MINK1: variants seen among roughly 807,000 people sequenced by gnomAD.
MINK1 encodes the protein misshapen like kinase 1.
In MINK1, 46 loss-of-function variants were observed where a neutral mutation model predicts 178.4. That is an observed-to-expected ratio of 0.26 (90% confidence interval 0.20 to 0.33). The LOEUF (loss-of-function observed/expected upper bound fraction) is 0.33. MINK1 is among the 10% of genes least tolerant of loss of function. MINK1 has a pLI of 1.00. For synonymous variants in MINK1, 797 were observed against 709.7 expected (o/e 1.12, Z -1.96); for missense variants, 1,366 against 1,814.9 (o/e 0.75, Z 4.49).
chr17:4,882,202 C>T (rs952583309), intron 4 of MINK1, among the ~76,000 whole-genome samples: 2 of 152,252 alleles, frequency 1.3e-5, no homozygotes, highest in Non-Finnish European at 2.9e-5. Flanking sequence ...AGGTCCTCCC[C>T]TCCTCTCACT....
At chr17:4,867,137 T>C (rs1484888605) in intron 1 of MINK1, among the ~76,000 whole-genome samples, 1 of 67,160 alleles carries the variant, frequency 1.5e-5, no homozygotes, top group Non-Finnish European at 2.8e-5. Flanking sequence ...CTCTTAGGAC[T>C]GTTTTTTTTT....
In MINK1 at chr17:4,885,106, C is replaced by A; in HGVS notation, c.508+104C>A. 2 of 1,039,516 alleles carry A rather than the reference C, an allele frequency of 1.9e-6. No individual in the cohort carries two copies. Among genetic ancestry groups the A allele is most frequent in the Non-Finnish European group, 1.4e-6 (1 of 693,706 alleles). The allele number at this position is 1,039,516 out of a possible 1,614,324, so 64.4% of individuals were successfully genotyped here. A position where few individuals can be genotyped will look rare whatever the true frequency, so the allele number is the denominator to read the frequency against. On this transcript the variant is annotated intron_variant, in intron 6 of 31. Transcript: ENST00000355280. This position sits in a 1 kb window ranked among gnomAD's most constrained non-coding sequence, Gnocchi z 5.0. ...TGGCTCAGGCCCAACTCCCTTCCTA[C>A]TGGGGAGGCTCACTCCCTCCCCTTT...
Position 4,875,923 on chromosome 17 carries a change from G to A in MINK1, c.58-2394G>A, listed in dbSNP as rs572705658. On this transcript the variant is annotated intron_variant, in intron 1 of 31. Transcript: ENST00000355280. ...TAATTCTCCTGCCTCAGCCTCCCGA[G>A]TAGCTGTGAATATAGGTGCCCGCCA... 5.1e-4 allele frequency among the ~76,000 whole-genome samples: 77 copies of A among 151,338 alleles called. 2 individuals carry two copies. In the South Asian group the frequency reaches 0.016, roughly 31 times the overall value.
In MINK1 at chr17:4,878,978, G is replaced by A. The variant is rs561673952; in HGVS notation, c.123+596G>A. Among the ~76,000 whole-genome samples, 6 of 152,352 alleles carry A rather than the reference G, an allele frequency of 3.9e-5. No individual in the cohort carries two copies. In the East Asian group the frequency reaches 9.6e-4, roughly 24 times the overall value. On this transcript the variant is annotated intron_variant, in intron 2 of 31. Coordinates refer to ENST00000355280, the MANE Select transcript of MINK1 (RefSeq NM_153827.5). ...CACACTGCTCACACTTGGATGGGGG[G>A]AGCCACTCCAGCGGGGAGTAAGGTG...
intron 1 of MINK1, among the ~76,000 whole-genome samples, chr17:4,868,375 AC>A: frequency 6.6e-6 from 1 of 152,036 alleles, no homozygotes. Flanking sequence ...TCTTCTATCC[AC>A]CTGTATTTCT....
chr17:4,847,913 G>A (rs998106865), intron 1 of MINK1, among the ~76,000 whole-genome samples: 3 of 152,118 alleles, frequency 2.0e-5, no homozygotes, highest in African/African-American at 7.2e-5. Flanking sequence ...CCAGTACAGT[G>A]GCTCATGCTT....
Position 4,885,624 on chromosome 17 carries a change from G to A in MINK1, c.639+11G>A. Reference sequence around the variant, plus strand: ...ACCTATGATTACAGGGTATGGAGTGGAAAGTTGGGAGCATGGGGGCTGCCA... The same window carrying A: ...ACCTATGATTACAGGGTATGGAGTGAAAAGTTGGGAGCATGGGGGCTGCCA... On this transcript the variant is annotated intron_variant, in intron 7 of 31. Coordinates refer to ENST00000355280, the MANE Select transcript of MINK1 (RefSeq NM_153827.5). The surrounding 1 kb of genome is among the most constrained non-coding windows in gnomAD (Gnocchi z 5.0). The A allele has an allele frequency of 1.2e-6, 2 of 1,613,820 alleles. No individual in the cohort carries two copies. The highest frequency in any genetic ancestry group is 1.7e-6 in the Non-Finnish European group (2 of 1,179,792).
intron 14 of MINK1, 70 bp downstream of exon 14, chr17:4,890,805 T>G (rs1968712034): frequency 6.6e-7 from 1 of 1,522,220 alleles, no homozygotes; most frequent in Non-Finnish European, 8.9e-7. Context: ...CCACAAGAAG[T>G]AGTAGTTCAC....
At chr17:4,880,018 G>A (rs527882024) in intron 2 of MINK1, among the ~76,000 whole-genome samples, 9 of 152,260 alleles carry the variant, frequency 5.9e-5, no homozygotes, top group African/African-American at 1.4e-4. Flanking sequence ...TCCATCCTCC[G>A]TTAGGGTGGA....
intron 1 of MINK1, among the ~76,000 whole-genome samples, chr17:4,858,558 C>T (rs556389586): frequency 4.6e-5 from 7 of 151,078 alleles, no homozygotes; most frequent in African/African-American, 7.3e-5. Context: ...CTCACTGCAA[C>T]CTCCGCCTCC....
At chr17:4,893,189 A>G in intron 20 of MINK1, 122 bp downstream of exon 20, 1 of 1,537,544 alleles carries the variant, frequency 6.5e-7, no homozygotes, top group Non-Finnish European at 8.9e-7. Flanking sequence ...GGATGGAGGG[A>G]CTGGTGCTTC....
In MINK1 at chr17:4,885,142, C is replaced by G; in HGVS notation, c.508+140C>G. The G allele has an allele frequency of 1.3e-6, 1 of 766,920 alleles. No individual in the cohort carries two copies. Among genetic ancestry groups the G allele is most frequent in the African/African-American group, 1.7e-5 (1 of 57,174 alleles). The allele number at this position is 766,920 out of a possible 1,614,324, so 47.5% of individuals were successfully genotyped here. A position where few individuals can be genotyped will look rare whatever the true frequency, so the allele number is the denominator to read the frequency against. On this transcript the variant is annotated intron_variant, in intron 6 of 31. Transcript: ENST00000355280. The surrounding 1 kb of genome is among the most constrained non-coding windows in gnomAD (Gnocchi z 5.0). ...CACTCCCTCCCCTTTCCCCTCTCCC[C>G]CTGGAATGCCCTGCCTCCTGCTGAA...
intron 1 of MINK1, among the ~76,000 whole-genome samples, chr17:4,839,357 GGC>G (rs1909835808): frequency 6.6e-6 from 1 of 152,106 alleles, no homozygotes; most frequent in Non-Finnish European, 1.5e-5. Flanking sequence ...GTGGTCAGTG[GGC>G]AGTCATCTTG....
chr17:4,845,602 T>C (rs979206439), intron 1 of MINK1, among the ~76,000 whole-genome samples: 3 of 151,942 alleles, frequency 2.0e-5, no homozygotes, highest in African/African-American at 7.3e-5. Flanking sequence ...TTCATACTCC[T>C]GGACAGACCC....
Position 4,856,115 on chromosome 17 carries a change from G to T in MINK1, c.58-22202G>T, listed in dbSNP as rs554788614. ...ACCCCTTCTCCTTCTCTCGCCATAG[G>T]AACATTTAATCTGTCTCATGCTTTG... On this transcript the variant is annotated intron_variant, in intron 1 of 31. Transcript: ENST00000355280. 5.9e-5 allele frequency among the ~76,000 whole-genome samples: 9 copies of T among 152,210 alleles called. No homozygotes were observed. The South Asian group carries it at 1.9e-3, about 32-fold the overall frequency.
In MINK1 at chr17:4,894,004, G is replaced by A. The variant is rs1439625343; in HGVS notation, c.2581G>A (p.Asp861Asn). ...TPGGRSDGDTDSVSTMVVHDV... is the reference protein window; with the variant it reads ...TPGGRSDGDTNSVSTMVVHDV... Reference sequence around the variant, plus strand: ...CTCTCACAGCAGCGATGGGGATACAGACAGCGTCAGCACCATGGTGGTCCA... The same window carrying A: ...CTCTCACAGCAGCGATGGGGATACAAACAGCGTCAGCACCATGGTGGTCCA... The change falls in exon 22 of 32, where the codon GAC (aspartate) becomes AAC (asparagine). Residue 861 changes from aspartate to asparagine, a missense_variant. This residue lies in a region of MINK1 where 709 missense variants were observed against 692.3 expected (regional missense o/e 1.02). Transcript: ENST00000355280. The surrounding 1 kb of genome is among the most constrained non-coding windows in gnomAD (Gnocchi z 4.1). The A allele has an allele frequency of 3.8e-6, 6 of 1,587,212 alleles. No homozygotes were observed. Among genetic ancestry groups the A allele is most frequent in the African/African-American group, 1.4e-5 (1 of 74,058 alleles).
intron 1 of MINK1, among the ~76,000 whole-genome samples, chr17:4,843,684 G>A (rs1219665156): frequency 6.6e-6 from 1 of 152,088 alleles, no homozygotes; most frequent in East Asian, 1.9e-4. Flanking sequence ...CTTTCCTTCT[G>A]TAATCTCATT....
At chr17:4,845,334 C>CT (rs1910855756) in intron 1 of MINK1, among the ~76,000 whole-genome samples, 1 of 152,184 alleles carries the variant, frequency 6.6e-6, no homozygotes, top group Admixed American at 6.5e-5. Context: ...CCAGCCATGA[C>CT]TTGCGTTCTG....
At position 4,886,070 on chromosome 17, in the gene MINK1, G is replaced by T. The variant is rs780734345; in HGVS notation, c.695-50G>T. 1 of 1,610,202 alleles carries T rather than the reference G, an allele frequency of 6.2e-7. No individual in the cohort carries two copies. Among genetic ancestry groups the T allele is most frequent in the African/African-American group, 1.3e-5 (1 of 74,928 alleles). On this transcript the variant is annotated intron_variant, in intron 8 of 31. Coordinates refer to ENST00000355280, the MANE Select transcript of MINK1 (RefSeq NM_153827.5). The surrounding 1 kb of genome is among the most constrained non-coding windows in gnomAD (Gnocchi z 6.1). ...TGGGACCCTGCCGAGGAAGGGTCCT[G>T]TAGCTCCCAGTGCAGTGAAAGGGAC...
Sources: allele counts gnomAD v4.1 joint callset (sites outside exome capture counted in the v4.1 genomes callset), GRCh38; gene constraint gnomAD v4.1.1; regional missense constraint gnomAD v4.1.1; non-coding constraint Gnocchi (gnomAD v3.1); transcripts MANE v1.5; gene names NCBI Gene and HGNC (gene_info 2026-07-23, HGNC 2026-07-21).